Variants in TMEM132C observed in about 807,000 individuals in gnomAD.
TMEM132C encodes the protein protein phosphatase 1, regulatory subunit 152.
In TMEM132C, 29 loss-of-function variants were observed where a neutral mutation model predicts 61.4. That is an observed-to-expected ratio of 0.47 (90% CI 0.35 to 0.64). The LOEUF is 0.64. TMEM132C is among the 30% of genes least tolerant of loss of function. TMEM132C has a pLI of 0.00. For synonymous variants in TMEM132C, 656 were observed against 633.1 expected (o/e 1.04, Z -0.54); for missense variants, 1,408 against 1,476.9 (o/e 0.95, Z 0.76).
chr12:128,292,778 G>A (rs1284576122), intron 1 of TMEM132C, among the ~76,000 whole-genome samples: 2 of 152,150 alleles, frequency 1.3e-5, no homozygotes, highest in East Asian at 1.9e-4. Context: ...CACTTCATAA[G>A]TGTCTGTTAA....
intron 4 of TMEM132C, among the ~76,000 whole-genome samples, chr12:128,659,628 G>T (rs796120864): frequency 1.2e-4 from 18 of 152,302 alleles, no homozygotes; most frequent in African/African-American, 4.1e-4. Flanking sequence ...CCATGGATTT[G>T]GGAGGCACTC....
intron 2 of TMEM132C, among the ~76,000 whole-genome samples, chr12:128,513,959 G>C (rs1872645580): frequency 6.6e-6 from 1 of 152,188 alleles, no homozygotes; most frequent in Non-Finnish European, 1.5e-5. Flanking sequence ...CAGACCGTAG[G>C]GAGGGTGGCA....
chr12:128,459,431 C>G (rs773861839), intron 2 of TMEM132C, among the ~76,000 whole-genome samples: 11 of 152,064 alleles, frequency 7.2e-5, no homozygotes, highest in Non-Finnish European at 1.2e-4. Flanking sequence ...GAAGTGGGCT[C>G]TTTAGGATTT....
chr12:128,400,269 T>C (rs1257011690), intron 1 of TMEM132C: 1 of 152,250 alleles, frequency 6.6e-6, no homozygotes, highest in African/African-American at 2.4e-5. Context: ...TGCCCACCCG[T>C]GGCTGAGCTT....
At chr12:128,389,446 A>T (rs1051134036) in intron 1 of TMEM132C, among the ~76,000 whole-genome samples, 3 of 152,260 alleles carry the variant, frequency 2.0e-5, no homozygotes, top group East Asian at 1.9e-4. Flanking sequence ...AGAGCACATC[A>T]TCTTTCTCCA....
intron 4 of TMEM132C, among the ~76,000 whole-genome samples, chr12:128,638,749 TTGA>T (rs1431592516): frequency 6.6e-6 from 1 of 152,130 alleles, no homozygotes; most frequent in African/African-American, 2.4e-5. Context: ...GATAATGGCA[TTGA>T]TGATAGTTGT....
chr12:128,278,344 A>G lies in TMEM132C; in HGVS notation c.85+10857A>G, dbSNP rs1453841874. Among the ~76,000 whole-genome samples the G allele has an allele frequency of 2.6e-5, 4 of 152,208 alleles. No homozygotes were observed. Among genetic ancestry groups the G allele is most frequent in the African/African-American group, 7.2e-5 (3 of 41,448 alleles). ...ATTTTCCACTGTTTAATTGTAAGCA[A>G]TGAATTGACTGAGAGAGCAGACTTT... On this transcript the variant is annotated intron_variant, in intron 1 of 8. Transcript: ENST00000435159. This position sits in a 1 kb window ranked among gnomAD's most constrained non-coding sequence, Gnocchi z 4.2.
At chr12:128,369,241 A>T (rs1275093896) in intron 1 of TMEM132C, among the ~76,000 whole-genome samples, 1 of 152,208 alleles carries the variant, frequency 6.6e-6, no homozygotes, top group Admixed American at 6.5e-5. Context: ...TACACAGATT[A>T]TCTCATTGAT....
intron 1 of TMEM132C, among the ~76,000 whole-genome samples, chr12:128,328,711 C>T (rs759545513): frequency 1.1e-4 from 17 of 148,614 alleles, no homozygotes; most frequent in Non-Finnish European, 1.9e-4. Context: ...CGCTTGAACC[C>T]GGGAGGTGGA....
chr12:128,383,559 GC>G (rs1222831789), intron 1 of TMEM132C, among the ~76,000 whole-genome samples: 1 of 152,114 alleles, frequency 6.6e-6, no homozygotes, highest in African/African-American at 2.4e-5. Flanking sequence ...ATGACACAAA[GC>G]CCCCCTGTTG....
At chr12:128,381,384 C>G (rs1874392497) in intron 1 of TMEM132C, among the ~76,000 whole-genome samples, 1 of 152,166 alleles carries the variant, frequency 6.6e-6, no homozygotes, top group South Asian at 2.1e-4. Context: ...CCCACAGCCT[C>G]TCCTGGGAAA....
In TMEM132C at chr12:128,705,200, C is replaced by T. The variant is rs550456826; in HGVS notation, c.2232C>T (p.Val744=). The T allele has an allele frequency of 1.7e-5, 27 of 1,551,728 alleles. No homozygotes were observed. The African/African-American group carries it at 2.6e-4, about 15-fold the overall frequency. ...SLAATSQDEA[V]VSVPQPRSPR... is the part of the protein sequence containing the mutation. ...CAGCCACCTCCCAGGACGAGGCTGT[C>T]GTGTCAGTCCCCCAGCCCCGCTCTC... Residue 744 remains valine, a synonymous_variant, in exon 9 of 9, where the codon GTC becomes GTT. Transcript: ENST00000435159.
chr12:128,686,728 A>G (rs1417296339), intron 5 of TMEM132C, among the ~76,000 whole-genome samples: 1 of 151,686 alleles, frequency 6.6e-6, no homozygotes, highest in Non-Finnish European at 1.5e-5. Flanking sequence ...GGTCCCAGGT[A>G]TACAACAGTA....
At chr12:128,269,442 G>A (rs1870436620) in intron 1 of TMEM132C, among the ~76,000 whole-genome samples, 1 of 151,492 alleles carries the variant, frequency 6.6e-6, no homozygotes, top group South Asian at 2.1e-4. Context: ...TTCAGTGCTG[G>A]GGGCAGTGAT....
intron 5 of TMEM132C, among the ~76,000 whole-genome samples, chr12:128,673,693 G>T (rs113018102): frequency 9.8e-5 from 15 of 152,382 alleles, no homozygotes; most frequent in African/African-American, 3.1e-4. Flanking sequence ...AAGAATTCCT[G>T]ATGGCTTTGC....
intron 2 of TMEM132C, among the ~76,000 whole-genome samples, chr12:128,450,724 TGA>T (rs1870150512): frequency 6.6e-6 from 1 of 152,220 alleles, no homozygotes; most frequent in Admixed American, 6.5e-5. Context: ...ATATAAATAA[TGA>T]GATAGTTGGT....
Position 128,267,299 on chromosome 12 carries a change from C to T in TMEM132C, c.-104C>T. On this transcript the variant is annotated 5_prime_UTR_variant, in exon 1 of 9. Coordinates refer to ENST00000435159, the MANE Select transcript of TMEM132C (RefSeq NM_001136103.3). ...GCAGAGACGCAGCGGGCCCGGCCGA[C>T]CGGGCTGCGGGAGTGGCCCCGGGCA... 1 of 735,852 alleles carries T rather than the reference C, an allele frequency of 1.4e-6. No individual in the cohort carries two copies. The highest frequency in any genetic ancestry group is 1.7e-6 in the Non-Finnish European group (1 of 603,816). The allele number at this position is 735,852 out of a possible 1,614,324, so 45.6% of individuals were successfully genotyped here. A position where few individuals can be genotyped will look rare whatever the true frequency, so the allele number is the denominator to read the frequency against.
chr12:128,569,269 G>C (rs567785441), intron 3 of TMEM132C, among the ~76,000 whole-genome samples: 17 of 152,344 alleles, frequency 1.1e-4, no homozygotes, highest in African/African-American at 4.1e-4. Context: ...GGATAAGGTG[G>C]TGGTTAAGGT....
chr12:128,391,831 AC>A (rs1874772378), intron 1 of TMEM132C, among the ~76,000 whole-genome samples: 1 of 152,090 alleles, frequency 6.6e-6, no homozygotes, highest in South Asian at 2.1e-4. Flanking sequence ...GCAAACTAGA[AC>A]CCTTGGGCCA....
Sources: gnomAD v4.1 joint callset for allele counts (sites outside exome capture counted in the v4.1 genomes callset) on GRCh38, gnomAD v4.1.1 for gene constraint, Gnocchi (gnomAD v3.1) non-coding constraint, MANE v1.5 for transcripts, NCBI Gene and HGNC (gene_info 2026-07-23, HGNC 2026-07-21) for gene names.